OSGIN2: variants seen among roughly 807,000 people sequenced by gnomAD.
OSGIN2 encodes the protein oxidative stress induced growth inhibitor family member 2, also known as oxidative stress-induced growth inhibitor 2.
OSGIN2 carries 19 observed loss-of-function variants against 53.8 expected under a neutral mutation model. That is an observed-to-expected ratio of 0.35 (90% CI 0.25 to 0.52). The LOEUF (loss-of-function observed/expected upper bound fraction) is 0.52. Ranked by LOEUF, OSGIN2 falls within the 20% of genes least tolerant of loss-of-function variation. The pLI, the probability that OSGIN2 is intolerant of heterozygous loss-of-function variation, is 0.95. For missense variants in OSGIN2, 520 were observed against 662.7 expected (o/e 0.78, Z 2.36); for synonymous variants, 236 against 236.0 (o/e 1.00, Z 0.00).
At chr8:89,914,041 C>T (rs752791389) in intron 2 of OSGIN2, 36 bp from the exon 3 acceptor site, 1 of 1,588,608 alleles carries the variant, frequency 6.3e-7, no homozygotes. Context: ...TATTAAGATG[C>T]ATGACCTACC....
chr8:89,910,639 A>AT (rs1362118090), intron 2 of OSGIN2, among the ~76,000 whole-genome samples: 1 of 152,160 alleles, frequency 6.6e-6, no homozygotes, highest in African/African-American at 2.4e-5. Flanking sequence ...CAACCAAGAG[A>AT]TATCAGGGAC....
chr8:89,907,483 C>T (rs578149945), intron 1 of OSGIN2, among the ~76,000 whole-genome samples: 141 of 152,266 alleles, frequency 9.3e-4, no homozygotes, highest in Admixed American at 1.4e-3. Flanking sequence ...CTGCATATGG[C>T]TAACTAGTTA....
intron 2 of OSGIN2, among the ~76,000 whole-genome samples, chr8:89,913,752 A>G (rs1308184630): frequency 6.6e-6 from 1 of 152,222 alleles, no homozygotes; most frequent in African/African-American, 2.4e-5. Context: ...AGCACATTAC[A>G]TTAAAGTTAT....
intron 4 of OSGIN2, among the ~76,000 whole-genome samples, chr8:89,920,287 AAGTC>A (rs1365297608): frequency 3.3e-5 from 5 of 151,768 alleles, no homozygotes; most frequent in African/African-American, 7.3e-5. Flanking sequence ...TACTCTGTGA[AAGTC>A]AGTTATAATA....
At chr8:89,921,425 CT>C (rs1204421891) in intron 5 of OSGIN2, 8 of 344,104 alleles carry the variant, frequency 2.3e-5, no homozygotes, top group Non-Finnish European at 4.2e-5. Flanking sequence ...TATCTACTGT[CT>C]TGTTACATCA....
At chr8:89,904,444 AAAAC>A (rs1185010096) in intron 1 of OSGIN2, among the ~76,000 whole-genome samples, 4 of 152,250 alleles carry the variant, frequency 2.6e-5, no homozygotes, top group African/African-American at 4.8e-5. Flanking sequence ...GACAGAAAGA[AAAAC>A]AAGCTAGCTG....
chr8:89,905,091 A>G (rs1050586491), intron 1 of OSGIN2, among the ~76,000 whole-genome samples: 3 of 152,230 alleles, frequency 2.0e-5, no homozygotes, highest in African/African-American at 7.2e-5. Flanking sequence ...AGTTTGAATG[A>G]TCATTTAAAC....
intron 4 of OSGIN2, among the ~76,000 whole-genome samples, chr8:89,916,083 TGTTA>T (rs2130703764): frequency 6.6e-6 from 1 of 152,338 alleles, no homozygotes; most frequent in East Asian, 1.9e-4. Flanking sequence ...ATATTTTCTC[TGTTA>T]ATTAGTAGCA....
In OSGIN2 at chr8:89,925,182, A is replaced by G. The variant is rs778759039; in HGVS notation, c.1300A>G (p.Met434Val). ...EHRVLSFKSD[M>V]KCVLQSVSGL... ...CCGTGTGCTTTCCTTTAAGTCGGAC[A>G]TGAAATGTGTTCTCCAAAGCGTTTC... The change falls in exon 6 of 6, where the codon ATG becomes GTG. Residue 434 changes from methionine (M) to valine (V), a missense_variant. By Grantham distance (21) the Met-to-Val change is conservative. This residue lies in a region of OSGIN2 where 239 missense variants were observed against 328.3 expected (regional missense o/e 0.73). Transcript: ENST00000451899. 10 of 1,614,056 alleles carry G rather than the reference A, an allele frequency of 6.2e-6. No individual in the cohort carries two copies. The highest frequency in any genetic ancestry group is 1.1e-5 in the South Asian group (1 of 91,088).
At chr8:89,923,711 A>G (rs185533916) in intron 5 of OSGIN2, among the ~76,000 whole-genome samples, 16 of 152,356 alleles carry the variant, frequency 1.1e-4, no homozygotes, top group Non-Finnish European at 1.5e-5. Flanking sequence ...TATTAAATGC[A>G]TTTTTGACTT....
At position 89,925,834 on chromosome 8, in the gene OSGIN2, A is replaced by G. The variant is rs142906186; in HGVS notation, c.*302A>G. The G allele has an allele frequency of 7.0e-6, 2 of 284,826 alleles. No homozygotes were observed. The highest frequency in any genetic ancestry group is 1.2e-3 in the Middle Eastern group (1 of 858). The allele number at this position is 284,826 out of a possible 1,614,324, so 17.6% of individuals were successfully genotyped here. ...TCATGATCATTTTTGGTTATTTATT[A>G]TACTTGATTCCAAAATAGTACAGCC... On this transcript the variant is annotated 3_prime_UTR_variant, in exon 6 of 6. Coordinates refer to ENST00000451899, the MANE Select transcript of OSGIN2 (RefSeq NM_001126111.3).
rs1308317775 is a variant in OSGIN2 at position 89,909,765 on chromosome 8, C to T, written c.199+44C>T. On this transcript the variant is annotated intron_variant, in intron 2 of 5. Transcript: ENST00000451899. ...TCTTTTAAAATTATAGTTAATGACC[C>T]TTAATACTTTTATAAATCTACAGTT... 20 of 1,229,248 alleles carry T rather than the reference C, an allele frequency of 1.6e-5. No homozygotes were observed. In the East Asian group the frequency reaches 4.9e-4, roughly 30 times the overall value. 76.1% of individuals were successfully genotyped at this position (1,229,248 alleles called of 1,614,324 possible).
Position 89,909,726 on chromosome 8 carries a change from G to T in OSGIN2, c.199+5G>T. ...CTTTTCCTGTGGTAATAATAGGTAA[G>T]TTATTGTATTTTATCTTTTAAAATT... On this transcript the variant is annotated splice_donor_5th_base_variant and intron_variant, in intron 2 of 5. Coordinates refer to ENST00000451899, the MANE Select transcript of OSGIN2 (RefSeq NM_001126111.3). The T allele has an allele frequency of 6.4e-7, 1 of 1,568,802 alleles. No homozygotes were observed. Among genetic ancestry groups the T allele is most frequent in the South Asian group, 1.1e-5 (1 of 87,058 alleles).
In OSGIN2 at chr8:89,914,644, C is replaced by G. The variant is rs1032169697; in HGVS notation, c.426C>G (p.Asp142Glu). ...ATACACTTCTTCATCCAGATGCTGA[C>G]TTTGGGTATGATTATCCATCCGTTT... ...LFDTLLHPDA[D>E]FGYDYPSVLH... Residue 142 changes from aspartate to glutamate, a missense_variant, in exon 4 of 6, where the codon GAC (aspartate) becomes GAG (glutamate). Transcript: ENST00000451899. The G allele has an allele frequency of 1.2e-6, 2 of 1,613,802 alleles. No individual in the cohort carries two copies. The highest frequency in any genetic ancestry group is 1.7e-6 in the Non-Finnish European group (2 of 1,179,696).
At chr8:89,922,738 G>A (rs1809233152) in intron 5 of OSGIN2, among the ~76,000 whole-genome samples, 1 of 152,106 alleles carries the variant, frequency 6.6e-6, no homozygotes, top group African/African-American at 2.4e-5. Context: ...CTTAATGATG[G>A]TGATATGTTC....
At chr8:89,911,059 G>A (rs1276552257) in intron 2 of OSGIN2, among the ~76,000 whole-genome samples, 1 of 152,192 alleles carries the variant, frequency 6.6e-6, no homozygotes, top group African/African-American at 2.4e-5. Context: ...TCAAGGTGTT[G>A]GCAGGGCTGT....
chr8:89,921,876 G>A (rs1242442158), intron 5 of OSGIN2, among the ~76,000 whole-genome samples: 1 of 152,094 alleles, frequency 6.6e-6, no homozygotes, highest in Non-Finnish European at 1.5e-5. Flanking sequence ...CTACTCGGGA[G>A]GCTAAGGCAG....
intron 2 of OSGIN2, among the ~76,000 whole-genome samples, chr8:89,912,879 TG>T (rs1009542186): frequency 2.0e-5 from 3 of 152,026 alleles, no homozygotes; most frequent in Non-Finnish European, 2.9e-5. Context: ...GATGCCATGC[TG>T]GGGGTATCAA....
chr8:89,913,896 A>C (rs1307482772), intron 2 of OSGIN2, among the ~76,000 whole-genome samples, 181 bp from the exon 3 acceptor site: 2 of 152,196 alleles, frequency 1.3e-5, no homozygotes, highest in Non-Finnish European at 2.9e-5. Flanking sequence ...AGTAGATGAG[A>C]TTCCCAAAAG....
Sources: allele counts gnomAD v4.1 joint callset (sites outside exome capture counted in the v4.1 genomes callset), GRCh38; gene constraint gnomAD v4.1.1; regional missense constraint gnomAD v4.1.1; transcripts MANE v1.5; gene names NCBI Gene and HGNC (gene_info 2026-07-23, HGNC 2026-07-21).